The following TRAPPC11 variants were observed in gnomAD, a reference collection of about 807,000 sequenced individuals.
The protein encoded by TRAPPC11 is foie gras homolog.
Under a neutral mutation model 151.2 loss-of-function variants are expected in TRAPPC11, and 104 were observed. The observed-to-expected ratio is 0.69, with a 90% CI of 0.59 to 0.81. The LOEUF is 0.81. Among genes scored for constraint, TRAPPC11 ranks in the 30% least tolerant of loss-of-function variants. The pLI is 0.00. For synonymous variants in TRAPPC11, 456 were observed against 472.3 expected (o/e 0.97, Z 0.45); for missense variants, 1,230 against 1,349.6 (o/e 0.91, Z 1.39).
chr4:183,661,488 C>CA (rs1160679009), intron 1 of TRAPPC11, among the ~76,000 whole-genome samples: 2 of 149,640 alleles, frequency 1.3e-5, no homozygotes, highest in Non-Finnish European at 3.0e-5. Flanking sequence ...TCTCCTGCCT[C>CA]AGCCTCCCGA....
chr4:183,708,185 T>C (rs1014487542), intron 28 of TRAPPC11, among the ~76,000 whole-genome samples: 7 of 152,200 alleles, frequency 4.6e-5, no homozygotes, highest in Non-Finnish European at 1.0e-4. Context: ...CCGAGAAATC[T>C]TGCATATATT....
At chr4:183,706,067 A>AAT (rs1737042913) in intron 27 of TRAPPC11, 3 of 145,738 alleles carry the variant, frequency 2.1e-5, no homozygotes, top group Non-Finnish European at 3.0e-5. Context: ...GAACTGCCAG[A>AAT]ACACACACAC....
chr4:183,693,448 C>G, intron 20 of TRAPPC11, 141 bp from the exon 21 acceptor site: 1 of 892,594 alleles, frequency 1.1e-6, no homozygotes, highest in Non-Finnish European at 1.7e-6. Context: ...TCAAGCGATC[C>G]TCCTGCCTCA....
intron 1 of TRAPPC11, among the ~76,000 whole-genome samples, chr4:183,662,138 G>T (rs898641164): frequency 6.6e-6 from 1 of 151,742 alleles, no homozygotes; most frequent in Non-Finnish European, 1.5e-5. Context: ...GCTGGCAATC[G>T]CCTGAGGTCA....
chr4:183,659,618 A>G (rs958369135), intron 1 of TRAPPC11, among the ~76,000 whole-genome samples, 171 bp downstream of exon 1: 1 of 152,214 alleles, frequency 6.6e-6, no homozygotes, highest in Admixed American at 6.5e-5. Flanking sequence ...AGGGCCTCCC[A>G]GGTTTAAGAC....
intron 29 of TRAPPC11, among the ~76,000 whole-genome samples, chr4:183,710,642 T>C (rs942618965): frequency 6.6e-6 from 1 of 152,120 alleles, no homozygotes; most frequent in Non-Finnish European, 1.5e-5. Context: ...CTTTTCTGAG[T>C]ACAGATACCA....
At position 183,705,585 on chromosome 4, in the gene TRAPPC11, G is replaced by A. The variant is rs894180705; in HGVS notation, c.3055+515G>A. On this transcript the variant is annotated intron_variant, in intron 27 of 29. Transcript: ENST00000334690. ...CCCCTGCATCACCTCTTCCAATACC[G>A]CTTTCTCTACCACTTTGTCCATCTC... Among the ~76,000 whole-genome samples, 8 of 151,408 alleles carry A rather than the reference G, an allele frequency of 5.3e-5. 1 individual carries two copies. The highest frequency in any genetic ancestry group is 3.9e-4 in the East Asian group (2 of 5,160).
intron 1 of TRAPPC11, among the ~76,000 whole-genome samples, chr4:183,663,128 G>A (rs765154297): frequency 1.3e-5 from 2 of 151,998 alleles, no homozygotes; most frequent in Admixed American, 6.6e-5. Context: ...GTGGAGTGCC[G>A]TGATCTTGGC....
intron 1 of TRAPPC11, among the ~76,000 whole-genome samples, chr4:183,662,000 A>T (rs1734576585): frequency 6.6e-6 from 1 of 151,950 alleles, no homozygotes; most frequent in African/African-American, 2.4e-5. Context: ...CCTGGCCTCA[A>T]CAATCCTCTG....
intron 29 of TRAPPC11, among the ~76,000 whole-genome samples, chr4:183,711,252 A>C (rs1737327024): frequency 6.6e-6 from 1 of 152,188 alleles, no homozygotes; most frequent in Admixed American, 6.5e-5. Flanking sequence ...TATAGCCACT[A>C]GCCACATGTG....
chr4:183,686,834 A>G, intron 18 of TRAPPC11, 86 bp downstream of exon 18: 1 of 1,446,310 alleles, frequency 6.9e-7, no homozygotes, highest in Admixed American at 1.9e-5. Flanking sequence ...AGTGAATTTT[A>G]TGTCTTAATG....
At chr4:183,663,613 C>T (rs1254196068) in intron 1 of TRAPPC11, among the ~76,000 whole-genome samples, 1 of 152,142 alleles carries the variant, frequency 6.6e-6, no homozygotes, top group Non-Finnish European at 1.5e-5. Flanking sequence ...CAGTGATCCA[C>T]CTGCTTCGGC....
intron 1 of TRAPPC11, among the ~76,000 whole-genome samples, chr4:183,662,281 G>A (rs1448640424): frequency 3.3e-5 from 5 of 150,852 alleles, no homozygotes; most frequent in African/African-American, 9.8e-5. Context: ...ACTTGAACCC[G>A]GGAGGTGGAG....
intron 5 of TRAPPC11, among the ~76,000 whole-genome samples, chr4:183,672,873 G>T (rs936606016): frequency 6.6e-6 from 1 of 151,638 alleles, no homozygotes; most frequent in Admixed American, 6.6e-5. Context: ...TTTGTTTTTT[G>T]AATCATTCAG....
At chr4:183,691,631 C>T (rs891729417) in intron 19 of TRAPPC11, among the ~76,000 whole-genome samples, 160 bp downstream of exon 19, 1 of 152,042 alleles carries the variant, frequency 6.6e-6, no homozygotes, top group Non-Finnish European at 1.5e-5. Flanking sequence ...TTCCTTCAGA[C>T]ATTTTTCTGT....
chr4:183,660,183 C>G (rs1734400847), intron 1 of TRAPPC11, among the ~76,000 whole-genome samples: 1 of 152,210 alleles, frequency 6.6e-6, no homozygotes, highest in Non-Finnish European at 1.5e-5. Flanking sequence ...AGAATAAGCA[C>G]GACCATTTCA....
At chr4:183,688,305 A>G (rs1031992359) in intron 18 of TRAPPC11, among the ~76,000 whole-genome samples, 6 of 152,156 alleles carry the variant, frequency 3.9e-5, no homozygotes, top group African/African-American at 1.4e-4. Flanking sequence ...TGAAATTACG[A>G]TAGGTCGAAA....
At chr4:183,681,135 TA>T (rs1735666730) in intron 10 of TRAPPC11, among the ~76,000 whole-genome samples, 2 of 151,298 alleles carry the variant, frequency 1.3e-5, no homozygotes, top group Non-Finnish European at 2.9e-5. Flanking sequence ...GAACGTGGTA[TA>T]TATATATAAA....
At position 183,705,034 on chromosome 4, in the gene TRAPPC11, G is replaced by A. The variant is rs79804817; in HGVS notation, c.3019G>A (p.Val1007Met). 2,681 of 1,598,108 alleles carry A rather than the reference G, an allele frequency of 1.7e-3. 57 individuals carry two copies. The East Asian group carries it at 0.045, about 27-fold the overall frequency. ...IITTVITLPHVIVENIPLHVN... is the reference protein window; with the variant it reads ...IITTVITLPHMIVENIPLHVN... ...CACAACTGTCATCACTCTGCCGCAC[G>A]TGATTGTGGAGAATATCCCTCTCCA... Residue 1007 changes from valine to methionine, a missense_variant, in exon 27 of 30, where the codon GTG becomes ATG. Physicochemically the swap from Val to Met is conservative, Grantham distance 21. Transcript: ENST00000334690.
Sources: gnomAD v4.1 joint callset for allele counts (sites outside exome capture counted in the v4.1 genomes callset) on GRCh38, gnomAD v4.1.1 for gene constraint, MANE v1.5 for transcripts, NCBI Gene and HGNC (gene_info 2026-07-23, HGNC 2026-07-21) for gene names.